QRSL1: variants seen among roughly 807,000 people sequenced by gnomAD.
The protein encoded by QRSL1 is glutaminyl-tRNA amidotransferase subunit QRSL1.
In QRSL1, 54 loss-of-function variants were observed where a neutral mutation model predicts 61.6. The observed-to-expected ratio is 0.88, with a 90% CI of 0.70 to 1.10. The LOEUF is 1.10. QRSL1 is among the 50% of genes least tolerant of loss of function. QRSL1 has a pLI of 0.00. For missense variants in QRSL1, 505 were observed against 622.6 expected, an observed-to-expected ratio of 0.81 and a Z score of 2.01; for synonymous variants, 228 against 225.7, an observed-to-expected ratio of 1.01 and a Z score of -0.09.
chr6:106,665,180 G>A (rs569532520), intron 10 of QRSL1, among the ~76,000 whole-genome samples: 1 of 152,090 alleles, frequency 6.6e-6, no homozygotes, highest in Non-Finnish European at 1.5e-5. Context: ...TAACAAGATG[G>A]TCTGGGATTT....
chr6:106,660,879 A>G (rs566121363), intron 9 of QRSL1, among the ~76,000 whole-genome samples: 6 of 152,170 alleles, frequency 3.9e-5, no homozygotes, highest in East Asian at 1.9e-4. Context: ...AATGGCACCA[A>G]TCCCACTCAA....
At chr6:106,659,079 T>G (rs575085563) in intron 9 of QRSL1, among the ~76,000 whole-genome samples, 142 of 152,320 alleles carry the variant, frequency 9.3e-4, no homozygotes, top group African/African-American at 3.3e-3. Flanking sequence ...TTTTTATACA[T>G]TATATTTTTT....
intron 10 of QRSL1, among the ~76,000 whole-genome samples, chr6:106,665,524 A>G (rs1777417309): frequency 1.3e-5 from 2 of 152,370 alleles, no homozygotes; most frequent in African/African-American, 4.8e-5. Flanking sequence ...TTACTCAATT[A>G]TGGTAAAACC....
At chr6:106,630,490 C>T (rs1776799887) in intron 1 of QRSL1, among the ~76,000 whole-genome samples, 1 of 152,220 alleles carries the variant, frequency 6.6e-6, no homozygotes, top group Non-Finnish European at 1.5e-5. Context: ...TGGCTGGAAT[C>T]TGCCCTCTTA....
chr6:106,667,065 A>G lies in QRSL1; in HGVS notation c.*1063A>G, dbSNP rs1276410933. ...TTTACTGATCACAAATGAGCTCATT[A>G]ATGTCATCGAAACATTTATTGTAAC... On this transcript the variant is annotated 3_prime_UTR_variant, in exon 11 of 11. Transcript: ENST00000369046. The G allele has an allele frequency of 2.6e-5, 4 of 152,246 alleles. No homozygotes were observed. The highest frequency in any genetic ancestry group is 5.9e-5 in the Non-Finnish European group (4 of 68,038). 9.4% of individuals were successfully genotyped at this position (152,246 alleles called of 1,614,324 possible).
chr6:106,649,040 T>G lies in QRSL1; in HGVS notation c.396T>G (p.Asp132Glu). ...TCGTCATCAGATCTGGGAGCACAGA[T>G]GGTGTATTTGGACCAGTTAAAAACC... ...DEFAMGSGST[D>E]GVFGPVKNPW... The change falls in exon 5 of 11, where the codon GAT (aspartate) becomes GAG (glutamate). Residue 132 changes from aspartate to glutamate, a missense_variant. Physicochemically the swap from Asp to Glu is conservative, Grantham distance 45. Coordinates refer to ENST00000369046, the MANE Select transcript of QRSL1 (RefSeq NM_018292.5). The G allele has an allele frequency of 6.2e-7, 1 of 1,611,684 alleles. No homozygotes were observed. Among genetic ancestry groups the G allele is most frequent in the Non-Finnish European group, 8.5e-7 (1 of 1,178,786 alleles).
intron 1 of QRSL1, among the ~76,000 whole-genome samples, chr6:106,639,116 G>GTTTTTTTTTTGTTTT (rs1554200732): frequency 1.8e-5 from 1 of 54,358 alleles, no homozygotes. Flanking sequence ...TGTGTGTTTT[G>GTTTTTTTTTTGTTTT]TTGTTTTTTT....
chr6:106,662,811 C>T (rs1215846798), intron 9 of QRSL1, among the ~76,000 whole-genome samples, 169 bp from the exon 10 acceptor site: 1 of 152,304 alleles, frequency 6.6e-6, no homozygotes, highest in Admixed American at 6.5e-5. Context: ...ATACGCCCCA[C>T]CACTGGGGAG....
At chr6:106,644,777 C>G (rs1397123506) in intron 4 of QRSL1, among the ~76,000 whole-genome samples, 2 of 152,144 alleles carry the variant, frequency 1.3e-5, no homozygotes, top group Non-Finnish European at 2.9e-5. Context: ...GCCTGGTCTC[C>G]CAAAGTGCTG....
chr6:106,637,515 C>T (rs2114699925), intron 1 of QRSL1, among the ~76,000 whole-genome samples: 1 of 152,178 alleles, frequency 6.6e-6, no homozygotes, highest in Middle Eastern at 3.4e-3. Context: ...AGCGTGGTGT[C>T]ATCTCCCAAG....
At chr6:106,654,592 A>ATTTTATCCTATT (rs1562170606) in intron 7 of QRSL1, 138 bp from the exon 8 acceptor site, 1 of 718,310 alleles carries the variant, frequency 1.4e-6, no homozygotes. Flanking sequence ...CCTACCAGCA[A>ATTTTATCCTATT]TTTTATCCTA....
At chr6:106,642,923 G>C in intron 3 of QRSL1, 71 bp from the exon 4 acceptor site, 1 of 1,062,794 alleles carries the variant, frequency 9.4e-7, no homozygotes, top group Non-Finnish European at 1.4e-6. Context: ...TGAATTCATG[G>C]CATAATAGGT....
At chr6:106,663,586 AACTC>A (rs955323532) in intron 10 of QRSL1, among the ~76,000 whole-genome samples, 5 of 152,212 alleles carry the variant, frequency 3.3e-5, no homozygotes, top group African/African-American at 9.6e-5. Flanking sequence ...GTCTTGTGAT[AACTC>A]ACTCACTATC....
intron 7 of QRSL1, among the ~76,000 whole-genome samples, chr6:106,654,356 A>G (rs1011457744): frequency 6.6e-6 from 1 of 152,210 alleles, no homozygotes; most frequent in Non-Finnish European, 1.5e-5. Context: ...TCTCAAAAAA[A>G]AAAAAAAGAA....
intron 9 of QRSL1, among the ~76,000 whole-genome samples, chr6:106,662,239 C>T (rs1777368867): frequency 1.3e-5 from 2 of 152,094 alleles, no homozygotes; most frequent in African/African-American, 4.8e-5. Context: ...TCTTAGTAAC[C>T]TTTAGAAAGC....
At chr6:106,630,276 C>T (rs189002735) in intron 1 of QRSL1, among the ~76,000 whole-genome samples, 1 of 152,186 alleles carries the variant, frequency 6.6e-6, no homozygotes, top group African/African-American at 2.4e-5. Context: ...ACATAAGCAC[C>T]CTCAAATTCA....
chr6:106,632,335 G>A (rs1239228056), intron 1 of QRSL1, among the ~76,000 whole-genome samples: 1 of 152,108 alleles, frequency 6.6e-6, no homozygotes. Flanking sequence ...ATACGTAGCA[G>A]TGGGATTGCT....
chr6:106,630,025 A>G (rs1172599900), intron 1 of QRSL1, among the ~76,000 whole-genome samples: 1 of 152,154 alleles, frequency 6.6e-6, no homozygotes, highest in African/African-American at 2.4e-5. Flanking sequence ...TTGCGGGGCC[A>G]CTTCAGTCTC....
At chr6:106,642,768 G>T (rs771239301) in intron 3 of QRSL1, 4 of 737,766 alleles carry the variant, frequency 5.4e-6, no homozygotes, top group Non-Finnish European at 1.0e-5. Flanking sequence ...TTCCTGAAAC[G>T]CATTGAGGAA....
Sources: gnomAD v4.1 joint callset for allele counts (sites outside exome capture counted in the v4.1 genomes callset) on GRCh38, gnomAD v4.1.1 for gene constraint, MANE v1.5 for transcripts, NCBI Gene and HGNC (gene_info 2026-07-23, HGNC 2026-07-21) for gene names.